The following P4HA3 variants were observed in gnomAD, a reference collection of about 807,000 sequenced individuals.
P4HA3 encodes the protein prolyl 4-hydroxylase subunit alpha-3.
In P4HA3, 60 loss-of-function variants were observed where a neutral mutation model predicts 66.7. That is an observed-to-expected ratio of 0.90 (90% CI 0.73 to 1.12). P4HA3 has a LOEUF of 1.12. Among genes scored for constraint, P4HA3 ranks in the 50% most tolerant of loss-of-function variants. The pLI is 0.00. For synonymous variants in P4HA3, 263 were observed against 274.6 expected (o/e 0.96, Z 0.42); for missense variants, 683 against 685.8 (o/e 1.00, Z 0.05).
intron 2 of P4HA3, among the ~76,000 whole-genome samples, chr11:74,303,366 C>A (rs956041826): frequency 1.3e-4 from 19 of 149,554 alleles, no homozygotes; most frequent in African/African-American, 4.5e-4. Flanking sequence ...GCAATCTCAG[C>A]TCACTGCAAC....
chr11:74,286,324 G>T lies in P4HA3; in HGVS notation c.837C>A (p.Asn279Lys). The T allele has an allele frequency of 2.5e-6, 4 of 1,606,834 alleles. No individual in the cohort carries two copies. In the South Asian group the frequency reaches 4.5e-5, roughly 18 times the overall value. Residue 279 changes from asparagine (N) to lysine (K), a missense_variant, in exon 6 of 13, where the codon AAC becomes AAA. Physicochemically the swap from Asn to Lys is moderately conservative, Grantham distance 94. Coordinates refer to ENST00000331597, the MANE Select transcript of P4HA3 (RefSeq NM_182904.5). The stretch of plus-strand genomic sequence containing the variant: ...GGATGACAGCCTCAGCTACCACGTG[G>T]TTGGGGCTCTCTGCCAAGAGCCTTT... The part of the protein sequence containing the change: ...KYERLLAESP[N>K]HVVAEAVIQR...
chr11:74,274,648 A>G (rs1267936811), intron 9 of P4HA3, among the ~76,000 whole-genome samples: 2 of 151,778 alleles, frequency 1.3e-5, no homozygotes, highest in Non-Finnish European at 2.9e-5. Context: ...GCTACTATAA[A>G]CTTTTCTGTA....
chr11:74,311,625 G>C lies in P4HA3; in HGVS notation c.-14C>G, dbSNP rs537256401. The C allele has an allele frequency of 2.7e-6, 4 of 1,487,072 alleles. No homozygotes were observed. In the East Asian group the frequency reaches 8.4e-5, roughly 31 times the overall value. 92.1% of individuals were successfully genotyped at this position (1,487,072 alleles called of 1,614,324 possible). A position where few individuals can be genotyped will look rare whatever the true frequency, so the allele number is the denominator to read the frequency against. On this transcript the variant is annotated 5_prime_UTR_variant, in exon 1 of 13. Transcript: ENST00000331597. ...CCCAGGACCCATAGCCAGCGCTCGC[G>C]AACTTCCCCTCAGACAGTCCTGGCC...
chr11:74,289,711 T>A (rs1459423539), intron 4 of P4HA3, among the ~76,000 whole-genome samples: 12 of 151,328 alleles, frequency 7.9e-5, no homozygotes, highest in Non-Finnish European at 1.5e-4. Context: ...TTTTTTGTCC[T>A]TGAGATATTT....
chr11:74,290,109 T>C (rs1860958882), intron 4 of P4HA3, among the ~76,000 whole-genome samples: 1 of 151,936 alleles, frequency 6.6e-6, no homozygotes. Context: ...GCACCTGTTG[T>C]TTCCTGACTT....
intron 1 of P4HA3, among the ~76,000 whole-genome samples, chr11:74,306,612 G>A (rs532700898): frequency 3.5e-4 from 54 of 152,348 alleles, no homozygotes; most frequent in African/African-American, 1.2e-3. Flanking sequence ...ACTTCTGCGA[G>A]GAGACAGAGA....
chr11:74,290,195 T>TCGTC (rs1860962003), intron 4 of P4HA3, among the ~76,000 whole-genome samples: 2 of 152,182 alleles, frequency 1.3e-5, no homozygotes, highest in African/African-American at 4.8e-5. Context: ...TGATGGCCAG[T>TCGTC]GACGATGAGC....
At chr11:74,253,738 C>T (rs1859764259) in intron 15 of P4HA3, 2 of 605,708 alleles carry the variant, frequency 3.3e-6, no homozygotes, top group Non-Finnish European at 5.9e-6. Context: ...CTCCCCTGCT[C>T]CTTTCCCTTC....
At chr11:74,263,543 T>C (rs1859943000), downstream of P4HA3, among the ~76,000 whole-genome samples, 1 of 152,244 alleles carries the variant, frequency 6.6e-6, no homozygotes, top group African/African-American at 2.4e-5. Flanking sequence ...TATTTTATAC[T>C]TGGATGACTT....
chr11:74,296,458 T>C (rs1222278969), intron 4 of P4HA3, among the ~76,000 whole-genome samples: 4 of 151,960 alleles, frequency 2.6e-5, no homozygotes, highest in African/African-American at 9.7e-5. Flanking sequence ...TACTAGGGGG[T>C]GAGGAGGAAC....
chr11:74,273,341 C>T (rs1860270983), intron 10 of P4HA3, among the ~76,000 whole-genome samples: 1 of 152,150 alleles, frequency 6.6e-6, no homozygotes, highest in African/African-American at 2.4e-5. Context: ...ACACTGTCAG[C>T]CTCTTTCAGG....
Position 74,269,764 on chromosome 11 carries a change from C to T in P4HA3, c.1399-44G>A, listed in dbSNP as rs367956147. 6.3e-6 allele frequency: 10 copies of T among 1,577,984 alleles called. No individual in the cohort carries two copies. In the African/African-American group the frequency reaches 1.3e-4, roughly 21 times the overall value. ...AAGCCAGAGTTAAAACTGCCACCGA[C>T]TTCCCTACCCTGTCATATGATGTCA... On this transcript the variant is annotated intron_variant, in intron 10 of 12. Coordinates refer to ENST00000331597, the MANE Select transcript of P4HA3 (RefSeq NM_182904.5).
At chr11:74,292,070 G>T (rs1347016222) in intron 4 of P4HA3, among the ~76,000 whole-genome samples, 4 of 152,070 alleles carry the variant, frequency 2.6e-5, no homozygotes, top group East Asian at 3.8e-4. Context: ...GAATCCATCT[G>T]GTCCTGGACT....
chr11:74,303,658 T>C lies in P4HA3; in HGVS notation c.343+612A>G, dbSNP rs138639685. 5.6e-3 allele frequency among the ~76,000 whole-genome samples: 845 copies of C among 151,856 alleles called. 9 individuals are homozygous for C. The highest frequency in any genetic ancestry group is 0.017 in the African/African-American group (709 of 41,394). On this transcript the variant is annotated intron_variant, in intron 2 of 12. Transcript: ENST00000331597. ...GTGCAGTGGTGCGATCTTGGCTCAC[T>C]GCAACCTCTGCCTCCCGGATTCAAG...
intron 15 of P4HA3, chr11:74,259,733 T>C (rs1352802087): frequency 6.6e-6 from 1 of 152,256 alleles, no homozygotes; most frequent in Non-Finnish European, 1.5e-5. Context: ...TTCAAGTCCA[T>C]CCATGTTGTA....
Position 74,285,818 on chromosome 11 carries a change from T to C in P4HA3, c.1101A>G (p.Ala367=). The change falls in exon 7 of 13, where the codon GCA becomes GCG. Residue 367 remains alanine (A), a synonymous_variant. Coordinates refer to ENST00000331597, the MANE Select transcript of P4HA3 (RefSeq NM_182904.5). ...TTCTCAGGACACTCACCCATGGTTC[T>C]GCAAGTTCTCTAATTTTCTGAGCCT... ...DSEAQKIREL[A]EPWLQRSVVA... 1 of 1,613,900 alleles carries C rather than the reference T, an allele frequency of 6.2e-7. No homozygotes were observed. The highest frequency in any genetic ancestry group is 8.5e-7 in the Non-Finnish European group (1 of 1,179,888).
intron 5 of P4HA3, among the ~76,000 whole-genome samples, chr11:74,288,468 C>T (rs1860878788): frequency 6.6e-6 from 1 of 152,192 alleles, no homozygotes; most frequent in Admixed American, 6.5e-5. Context: ...AAGAAACTGG[C>T]TCCCACTCCT....
intron 9 of P4HA3, 111 bp from the exon 10 acceptor site, chr11:74,273,718 A>T: frequency 1.2e-6 from 1 of 846,006 alleles, no homozygotes; most frequent in Non-Finnish European, 1.7e-6. Context: ...CAAAGATGGG[A>T]TATAGTTCTG....
chr11:74,251,692 A>T, intron 15 of P4HA3: 1 of 1,613,982 alleles, frequency 6.2e-7, no homozygotes, highest in Admixed American at 1.7e-5. Flanking sequence ...ACAGGTTTGC[A>T]GAACCCATCG....
Sources: allele counts gnomAD v4.1 joint callset (sites outside exome capture counted in the v4.1 genomes callset), GRCh38; gene constraint gnomAD v4.1.1; transcripts MANE v1.5; gene names NCBI Gene and HGNC (gene_info 2026-07-23, HGNC 2026-07-21).